TERF2IP: variants seen among roughly 807,000 people sequenced by gnomAD.
TERF2IP encodes TERF2 interacting protein.
In TERF2IP, 35 loss-of-function variants were observed where a neutral mutation model predicts 33.3. The ratio of observed to expected loss-of-function variants is 1.05; its 90% CI spans 0.80 to 1.39. TERF2IP has a LOEUF of 1.39. Ranked by LOEUF, TERF2IP falls within the 40% of genes most tolerant of loss-of-function variation. TERF2IP has a pLI of 0.00. For missense variants in TERF2IP, 583 were observed against 524.8 expected (o/e 1.11, Z -1.08); for synonymous variants, 253 against 223.2 (o/e 1.13, Z -1.19).
chr16:75,656,119 C>A (rs1391020266), intron 2 of TERF2IP, 88 bp from the exon 3 acceptor site: 4 of 1,317,340 alleles, frequency 3.0e-6, no homozygotes, highest in Admixed American at 4.5e-5. Flanking sequence ...ATGCAGAGGG[C>A]AAGGGGGTGA....
chr16:75,648,479 C>T lies in TERF2IP; in HGVS notation c.597C>T (p.Asp199=). 6.3e-7 allele frequency: 1 copy of T among 1,593,050 alleles called. No individual in the cohort carries two copies. Among genetic ancestry groups the T allele is most frequent in the Non-Finnish European group, 8.5e-7 (1 of 1,170,428 alleles). The change falls in exon 1 of 3, where the codon GAC becomes GAT. Residue 199 remains aspartate, a synonymous_variant. Transcript: ENST00000300086. ...RGQEHKYLLG[D]APVSPSSQKL... ...AGGAGCATAAGTACCTGCTGGGGGA[C>T]GCGCCGGTGAGCCCCTCCTCCCAGA...
chr16:75,652,576 A>G (rs2151818920), intron 1 of TERF2IP, among the ~76,000 whole-genome samples: 1 of 152,288 alleles, frequency 6.6e-6, no homozygotes, highest in South Asian at 2.1e-4. Flanking sequence ...CATTTTATCT[A>G]TTTTAGCATG....
chr16:75,650,902 A>G (rs1044691508), intron 1 of TERF2IP, among the ~76,000 whole-genome samples: 1 of 152,174 alleles, frequency 6.6e-6, no homozygotes, highest in Non-Finnish European at 1.5e-5. Context: ...TTGGGACAAA[A>G]TTAAGCTGTA....
At chr16:75,656,079 A>G (rs1289155065) in intron 2 of TERF2IP, 128 bp from the exon 3 acceptor site, 16 of 858,680 alleles carry the variant, frequency 1.9e-5, no homozygotes, top group Non-Finnish European at 2.7e-5. Flanking sequence ...GCATATTAAG[A>G]GGAACTGAAG....
chr16:75,656,005 G>A (rs748070519), intron 2 of TERF2IP, among the ~76,000 whole-genome samples: 11 of 151,390 alleles, frequency 7.3e-5, no homozygotes, highest in African/African-American at 2.4e-5. Flanking sequence ...ACACACACGC[G>A]CACACACACA....
rs2082309735 is a variant in TERF2IP at position 75,647,815 on chromosome 16, G to A, written c.-68G>A. On this transcript the variant is annotated 5_prime_UTR_variant, in exon 1 of 3. Transcript: ENST00000300086. The stretch of plus-strand genomic sequence containing the variant: ...CAGAGGCGTCTGCGGTGACAGCTCA[G>A]TCAGTTGAGCTCTGTGTGCCAGGCG... 8.2e-6 allele frequency: 13 copies of A among 1,589,174 alleles called. No homozygotes were observed. In the Middle Eastern group the frequency reaches 5.2e-4, roughly 63 times the overall value.
At chr16:75,649,846 A>G (rs2082334103) in intron 1 of TERF2IP, among the ~76,000 whole-genome samples, 1 of 152,204 alleles carries the variant, frequency 6.6e-6, no homozygotes, top group East Asian at 1.9e-4. Flanking sequence ...AGGATACAGA[A>G]CGAGTCTGTT....
chr16:75,652,188 G>A (rs1215146076), intron 1 of TERF2IP, among the ~76,000 whole-genome samples: 1 of 152,066 alleles, frequency 6.6e-6, no homozygotes, highest in Non-Finnish European at 1.5e-5. Context: ...CCTTTCCTAG[G>A]GGCAGCCTCT....
At chr16:75,649,844 G>C (rs920152321) in intron 1 of TERF2IP, among the ~76,000 whole-genome samples, 2 of 152,170 alleles carry the variant, frequency 1.3e-5, no homozygotes, top group Non-Finnish European at 2.9e-5. Context: ...CTAGGATACA[G>C]AACGAGTCTG....
At chr16:75,655,275 T>C (rs2082376454) in intron 2 of TERF2IP, among the ~76,000 whole-genome samples, 1 of 152,240 alleles carries the variant, frequency 6.6e-6, no homozygotes, top group South Asian at 2.1e-4. Flanking sequence ...CAGTCTAGCT[T>C]ATATTACTCT....
At chr16:75,655,813 G>C (rs1051910361) in intron 2 of TERF2IP, among the ~76,000 whole-genome samples, 12 of 152,186 alleles carry the variant, frequency 7.9e-5, no homozygotes, top group Non-Finnish European at 1.6e-4. Flanking sequence ...TTACAGTCTT[G>C]AGAGTGAAGT....
intron 1 of TERF2IP, among the ~76,000 whole-genome samples, chr16:75,650,567 G>T (rs1413530680): frequency 6.6e-6 from 1 of 152,082 alleles, no homozygotes; most frequent in Non-Finnish European, 1.5e-5. Context: ...ATGGGGTCTT[G>T]CTCTGTCACA....
chr16:75,654,420 T>C (rs1431524939), intron 2 of TERF2IP, 23 bp downstream of exon 2: 2 of 1,606,656 alleles, frequency 1.2e-6, no homozygotes, highest in Non-Finnish European at 1.7e-6. Context: ...GATTTACTCA[T>C]TATTTTTTTC....
At chr16:75,654,526 G>A in intron 2 of TERF2IP, 129 bp downstream of exon 2, 1 of 939,022 alleles carries the variant, frequency 1.1e-6, no homozygotes, top group African/African-American at 1.7e-5. Context: ...GATGGAAAGG[G>A]AAAATGGAAA....
At chr16:75,656,005 GCA>G (rs375526943) in intron 2 of TERF2IP, among the ~76,000 whole-genome samples, 200 bp from the exon 3 acceptor site, 13 of 151,508 alleles carry the variant, frequency 8.6e-5, no homozygotes, top group African/African-American at 1.9e-4. Context: ...ACACACACGC[GCA>G]CACACACACG....
Position 75,656,642 on chromosome 16 carries a change from A to G in TERF2IP, c.*31A>G, listed in dbSNP as rs772636447. The G allele has an allele frequency of 1.9e-6, 3 of 1,558,756 alleles. No homozygotes were observed. In the Admixed American group the frequency reaches 5.9e-5, roughly 31 times the overall value. On this transcript the variant is annotated 3_prime_UTR_variant, in exon 3 of 3. Coordinates refer to ENST00000300086, the MANE Select transcript of TERF2IP (RefSeq NM_018975.4). Reference sequence around the variant, plus strand: ...AAGATAATGAGAAAAGAAAAAAGTCATGGTAGGTGAGGTGGTTAAAAAAAA... The same window carrying G: ...AAGATAATGAGAAAAGAAAAAAGTCGTGGTAGGTGAGGTGGTTAAAAAAAA...
At position 75,652,961 on chromosome 16, in the gene TERF2IP, G is replaced by C. The variant is rs2082358155; in HGVS notation, c.671-1312G>C. On this transcript the variant is annotated intron_variant, in intron 1 of 2. Transcript: ENST00000300086. ...CCTGGAAACAACCATTCCGCCTTCT[G>C]TTTCTATGAATTCAATATTTCTAGA... 2.0e-5 allele frequency among the ~76,000 whole-genome samples: 3 copies of C among 151,952 alleles called. No individual in the cohort carries two copies. The South Asian group carries it at 6.2e-4, about 32-fold the overall frequency.
At chr16:75,650,261 A>G (rs2082337350) in intron 1 of TERF2IP, among the ~76,000 whole-genome samples, 1 of 152,302 alleles carries the variant, frequency 6.6e-6, no homozygotes, top group African/African-American at 2.4e-5. Context: ...TGATAAGAGA[A>G]GGTCATTCTC....
Position 75,654,317 on chromosome 16 carries a change from G to A in TERF2IP, c.715G>A (p.Val239Met). 1 of 1,613,994 alleles carries A rather than the reference G, an allele frequency of 6.2e-7. No individual in the cohort carries two copies. The highest frequency in any genetic ancestry group is 2.2e-5 in the East Asian group (1 of 44,874). Residue 239 changes from valine (V) to methionine (M), a missense_variant, in exon 2 of 3, where the codon GTG (valine) becomes ATG (methionine). Val to Met is a conservative substitution (Grantham distance 21). Coordinates refer to ENST00000300086, the MANE Select transcript of TERF2IP (RefSeq NM_018975.4). ...RTPDLPEEEY[V>M]KEEIQENEEA... ...TCCAGATTTGCCTGAAGAAGAGTATGTGAAGGAAGAAATCCAGGAGAATGA... is the reference window on the plus strand; with the variant it reads ...TCCAGATTTGCCTGAAGAAGAGTATATGAAGGAAGAAATCCAGGAGAATGA...
Sources: allele counts gnomAD v4.1 joint callset (sites outside exome capture counted in the v4.1 genomes callset), GRCh38; gene constraint gnomAD v4.1.1; transcripts MANE v1.5; gene names NCBI Gene and HGNC (gene_info 2026-07-23, HGNC 2026-07-21).